The following ZFAND3 variants were observed in gnomAD, a reference collection of about 807,000 sequenced individuals.
The protein encoded by ZFAND3 is zinc finger AN1-type containing 3, also known as AN1-type zinc finger protein 3.
Under a neutral mutation model 29.6 loss-of-function variants are expected in ZFAND3, and 10 were observed. That is an observed-to-expected ratio of 0.34 (90% CI 0.21 to 0.57). The LOEUF (loss-of-function observed/expected upper bound fraction) is 0.57. Among genes scored for constraint, ZFAND3 ranks in the 20% least tolerant of loss-of-function variants. The pLI is 0.86. For missense variants in ZFAND3, 230 were observed against 304.5 expected, an observed-to-expected ratio of 0.76 and a Z score of 1.82; for synonymous variants, 128 against 112.6, an observed-to-expected ratio of 1.14 and a Z score of -0.87.
At chr6:38,140,068 A>G (rs982552381) in intron 5 of ZFAND3, among the ~76,000 whole-genome samples, 2 of 152,174 alleles carry the variant, frequency 1.3e-5, no homozygotes, top group Admixed American at 1.3e-4. Context: ...TGGTGGCCCT[A>G]TTCTCTTAGA....
chr6:38,118,424 CCTGG>C (rs1268946792), intron 5 of ZFAND3, among the ~76,000 whole-genome samples: 2 of 152,080 alleles, frequency 1.3e-5, no homozygotes, highest in African/African-American at 4.8e-5. Flanking sequence ...TGTGAGCCTA[CCTGG>C]TCATTTTAGC....
intron 2 of ZFAND3, among the ~76,000 whole-genome samples, chr6:38,008,160 A>G (rs1005196520): frequency 1.8e-4 from 27 of 152,322 alleles, no homozygotes; most frequent in Non-Finnish European, 3.7e-4. Flanking sequence ...CTAATTAACA[A>G]GTGTTCCAAA....
At chr6:37,974,943 C>T (rs561092090) in intron 2 of ZFAND3, among the ~76,000 whole-genome samples, 1 of 152,292 alleles carries the variant, frequency 6.6e-6, no homozygotes, top group East Asian at 1.9e-4. Context: ...GCCACTATGT[C>T]TGGCTATCAC....
intron 2 of ZFAND3, among the ~76,000 whole-genome samples, chr6:37,963,135 T>G (rs2127425318): frequency 6.6e-6 from 1 of 152,316 alleles, no homozygotes; most frequent in Admixed American, 6.5e-5. Context: ...GGTCCGCAGC[T>G]TCATTCTTTA....
At chr6:38,004,579 C>G (rs377160154) in intron 2 of ZFAND3, among the ~76,000 whole-genome samples, 3 of 150,696 alleles carry the variant, frequency 2.0e-5, no homozygotes, top group African/African-American at 7.3e-5. Context: ...ATAAGTAGGT[C>G]TTCAGATTGA....
intron 2 of ZFAND3, among the ~76,000 whole-genome samples, chr6:38,006,143 A>G (rs1481362625): frequency 2.6e-5 from 4 of 152,312 alleles, no homozygotes; most frequent in African/African-American, 9.6e-5. Flanking sequence ...CATGCCCCAG[A>G]AAAAGGTAAT....
chr6:38,105,181 T>C (rs1216723549), intron 4 of ZFAND3, among the ~76,000 whole-genome samples: 1 of 152,166 alleles, frequency 6.6e-6, no homozygotes, highest in East Asian at 1.9e-4. Flanking sequence ...TTGCAATTAT[T>C]AGGAAGCTTA....
intron 1 of ZFAND3, among the ~76,000 whole-genome samples, chr6:37,824,444 ATG>A (rs1394353050): frequency 3.9e-5 from 6 of 152,216 alleles, no homozygotes; most frequent in Non-Finnish European, 8.8e-5. Context: ...AGAATATAGT[ATG>A]TGTATTATAG....
At chr6:38,015,855 T>A (rs552799340) in intron 2 of ZFAND3, among the ~76,000 whole-genome samples, 37 of 152,334 alleles carry the variant, frequency 2.4e-4, no homozygotes, top group African/African-American at 7.5e-4. Context: ...ATTTTCAACT[T>A]GACCTGTGGT....
At chr6:37,862,150 T>TA (rs1561914363) in intron 1 of ZFAND3, among the ~76,000 whole-genome samples, 1 of 152,168 alleles carries the variant, frequency 6.6e-6, no homozygotes, top group Non-Finnish European at 1.5e-5. Context: ...TTTTTAATGT[T>TA]AAAAAATTTA....
intron 1 of ZFAND3, among the ~76,000 whole-genome samples, chr6:37,929,520 A>G (rs1009091777): frequency 1.3e-5 from 2 of 152,246 alleles, no homozygotes; most frequent in Non-Finnish European, 2.9e-5. Context: ...ATGACTGTGT[A>G]TATGAGGAGA....
At chr6:37,862,658 C>T (rs1307818307) in intron 1 of ZFAND3, among the ~76,000 whole-genome samples, 3 of 151,408 alleles carry the variant, frequency 2.0e-5, no homozygotes, top group Non-Finnish European at 4.4e-5. Context: ...GAGCTGTGAT[C>T]GTGCCACAAC....
chr6:37,862,161 A>G (rs910329875), intron 1 of ZFAND3, among the ~76,000 whole-genome samples: 5 of 152,046 alleles, frequency 3.3e-5, no homozygotes, highest in African/African-American at 1.2e-4. Context: ...AAAAAATTTA[A>G]TTTTTAAGTT....
intron 1 of ZFAND3, among the ~76,000 whole-genome samples, chr6:37,881,395 C>T (rs1482814732): frequency 2.0e-5 from 3 of 152,132 alleles, no homozygotes; most frequent in Non-Finnish European, 4.4e-5. Context: ...CTATGATAGT[C>T]TTTAAATTAA....
chr6:38,125,536 C>G (rs1380437589), intron 5 of ZFAND3, among the ~76,000 whole-genome samples: 1 of 152,218 alleles, frequency 6.6e-6, no homozygotes, highest in East Asian at 1.9e-4. Context: ...GTCACATCCC[C>G]ACCCATCCCA....
intron 5 of ZFAND3, among the ~76,000 whole-genome samples, chr6:38,140,054 T>C (rs922299204): frequency 2.0e-5 from 3 of 152,218 alleles, no homozygotes; most frequent in Non-Finnish European, 4.4e-5. Context: ...AGCCACTGGC[T>C]GCATGGTGGC....
intron 2 of ZFAND3, among the ~76,000 whole-genome samples, chr6:37,991,439 G>A (rs1015952251): frequency 1.3e-5 from 2 of 151,850 alleles, no homozygotes; most frequent in East Asian, 3.9e-4. Context: ...TGCAACTTTT[G>A]CCCCCCAGGT....
In ZFAND3 at chr6:37,932,037, G is replaced by A. The variant is rs976681029; in HGVS notation, c.112+2038G>A. Among the ~76,000 whole-genome samples the A allele has an allele frequency of 3.3e-5, 5 of 152,294 alleles. No homozygotes were observed. In the East Asian group the frequency reaches 7.7e-4, roughly 24 times the overall value. On this transcript the variant is annotated intron_variant, in intron 2 of 5. Coordinates refer to ENST00000287218, the MANE Select transcript of ZFAND3 (RefSeq NM_021943.3). ...TATAATCCCAGCACTTTGGGAGGCCGAGGTGGGTGGACCACGAGGTCTGGA... is the reference window on the plus strand; with the variant it reads ...TATAATCCCAGCACTTTGGGAGGCCAAGGTGGGTGGACCACGAGGTCTGGA...
intron 2 of ZFAND3, among the ~76,000 whole-genome samples, chr6:37,974,342 G>A (rs560905101): frequency 6.7e-4 from 101 of 151,176 alleles, no homozygotes; most frequent in African/African-American, 2.4e-3. Flanking sequence ...TGGGATTACA[G>A]GCGTGAGCTA....
Sources: gnomAD v4.1 joint callset for allele counts (sites outside exome capture counted in the v4.1 genomes callset) on GRCh38, gnomAD v4.1.1 for gene constraint, MANE v1.5 for transcripts, NCBI Gene and HGNC (gene_info 2026-07-23, HGNC 2026-07-21) for gene names.